Variants in CPT1A observed in about 807,000 individuals in gnomAD.
CPT1A encodes carnitine palmitoyltransferase 1A, also known as carnitine O-palmitoyltransferase 1, liver isoform.
Under a neutral mutation model 100.8 loss-of-function variants are expected in CPT1A, and 64 were observed. The observed-to-expected ratio is 0.63, with a 90% CI of 0.52 to 0.78. CPT1A has a LOEUF of 0.78. CPT1A is among the 30% of genes least tolerant of loss of function. The pLI is 0.00. For synonymous variants in CPT1A, 363 were observed against 396.0 expected (o/e 0.92, Z 0.99); for missense variants, 802 against 1,034.1 (o/e 0.78, Z 3.08).
At chr11:68,778,052 T>A (rs1358995670) in intron 12 of CPT1A, among the ~76,000 whole-genome samples, 1 of 152,040 alleles carries the variant, frequency 6.6e-6, no homozygotes, top group East Asian at 1.9e-4. Context: ...TGTCCTAGGG[T>A]CATACTGGTG....
At chr11:68,778,920 G>A (rs1855218670) in intron 12 of CPT1A, among the ~76,000 whole-genome samples, 1 of 151,672 alleles carries the variant, frequency 6.6e-6, no homozygotes, top group Admixed American at 6.6e-5. Context: ...TGAGTAGCTG[G>A]GACTACAGGT....
intron 1 of CPT1A, among the ~76,000 whole-genome samples, chr11:68,823,766 GCAA>G (rs1412701902): frequency 1.3e-5 from 2 of 151,394 alleles, no homozygotes; most frequent in Non-Finnish European, 2.9e-5. Flanking sequence ...TCCAGCCTGG[GCAA>G]CAAGAACAAA....
intron 1 of CPT1A, among the ~76,000 whole-genome samples, chr11:68,838,008 C>T (rs1273447574): frequency 1.3e-5 from 2 of 152,224 alleles, no homozygotes; most frequent in East Asian, 3.9e-4. Context: ...TGCAGGCTGG[C>T]TCTCCGGCTC....
In CPT1A at chr11:68,764,781, G is replaced by A. The variant is rs1854739273; in HGVS notation, c.1741-2020C>T. On this transcript the variant is annotated intron_variant, in intron 14 of 18. Transcript: ENST00000265641. Reference sequence around the variant, plus strand: ...TGAAATGAGAGTGCATCAGCCAGCAGAAAAAGGAAACTGAAGGCGTCGACA... The same window carrying A: ...TGAAATGAGAGTGCATCAGCCAGCAAAAAAAGGAAACTGAAGGCGTCGACA... 2.0e-5 allele frequency among the ~76,000 whole-genome samples: 3 copies of A among 152,264 alleles called. No individual in the cohort carries two copies. In the South Asian group the frequency reaches 6.2e-4, roughly 31 times the overall value.
intron 9 of CPT1A, among the ~76,000 whole-genome samples, chr11:68,792,807 G>A (rs571608739): frequency 4.6e-5 from 7 of 152,326 alleles, no homozygotes; most frequent in African/African-American, 7.2e-5. Flanking sequence ...CCAGCACTTC[G>A]GGAGGCCGAA....
intron 1 of CPT1A, among the ~76,000 whole-genome samples, chr11:68,833,509 C>A (rs1444556134): frequency 1.3e-5 from 2 of 152,378 alleles, no homozygotes; most frequent in East Asian, 3.9e-4. Context: ...GTAATCCCAG[C>A]ACTTTGGGAG....
chr11:68,755,689 A>C lies in CPT1A; in HGVS notation c.*1955T>G, dbSNP rs573504666. The C allele has an allele frequency of 7.2e-6, 1 of 137,946 alleles. No individual in the cohort carries two copies. Among genetic ancestry groups the C allele is most frequent in the Non-Finnish European group, 1.5e-5 (1 of 65,150 alleles). The allele number at this position is 137,946 out of a possible 1,614,324, so 8.5% of individuals were successfully genotyped here. On this transcript the variant is annotated 3_prime_UTR_variant, in exon 19 of 19. Transcript: ENST00000265641. ...CTCCCAAAGTGCTGGGATTACACGC[A>C]TGAGCCACCGCGCCTGGACGCTTTT...
chr11:68,782,941 G>A (rs1293908400), intron 10 of CPT1A, among the ~76,000 whole-genome samples: 2 of 152,164 alleles, frequency 1.3e-5, no homozygotes, highest in East Asian at 3.9e-4. Flanking sequence ...GGCGCCTACA[G>A]ACCCACAGGG....
chr11:68,782,403 T>A (rs1406208077), intron 10 of CPT1A, among the ~76,000 whole-genome samples: 1 of 152,164 alleles, frequency 6.6e-6, no homozygotes, highest in East Asian at 1.9e-4. Context: ...TGTACCAACT[T>A]ACTGATCTTC....
intron 1 of CPT1A, among the ~76,000 whole-genome samples, chr11:68,833,201 G>A (rs1432253806): frequency 6.6e-6 from 1 of 152,190 alleles, no homozygotes; most frequent in African/African-American, 2.4e-5. Flanking sequence ...GGAAGGCTCT[G>A]GAAGGACAGC....
chr11:68,800,993 C>T (rs1029885674), intron 5 of CPT1A, among the ~76,000 whole-genome samples: 2 of 151,866 alleles, frequency 1.3e-5, no homozygotes, highest in Non-Finnish European at 2.9e-5. Flanking sequence ...CCTGTGGCCC[C>T]AACTACTTGG....
At chr11:68,780,525 C>T (rs1459202300) in intron 12 of CPT1A, 115 bp downstream of exon 12, 37 of 821,936 alleles carry the variant, frequency 4.5e-5, no homozygotes, top group Non-Finnish European at 7.0e-5. Context: ...CTCAGGTGAT[C>T]TGCCCGCCTC....
intron 7 of CPT1A, among the ~76,000 whole-genome samples, chr11:68,795,322 G>A (rs1349780247): frequency 6.6e-6 from 1 of 152,176 alleles, no homozygotes; most frequent in Non-Finnish European, 1.5e-5. Flanking sequence ...CCAAATGTCT[G>A]CATTTTCCAC....
chr11:68,822,065 C>T (rs1485863026), intron 1 of CPT1A, among the ~76,000 whole-genome samples: 2 of 152,084 alleles, frequency 1.3e-5, no homozygotes, highest in East Asian at 1.9e-4. Flanking sequence ...ACAGTCTGTC[C>T]GTTCCTCAAA....
chr11:68,818,210 A>G (rs957382633), intron 1 of CPT1A, among the ~76,000 whole-genome samples: 1 of 152,150 alleles, frequency 6.6e-6, no homozygotes, highest in Admixed American at 6.6e-5. Flanking sequence ...GACAGTCTGC[A>G]GAGGCACCTT....
At chr11:68,765,717 A>T (rs1594320339) in intron 14 of CPT1A, among the ~76,000 whole-genome samples, 1 of 152,224 alleles carries the variant, frequency 6.6e-6, no homozygotes, top group Admixed American at 6.5e-5. Context: ...GGCACAGGCA[A>T]TACTGTTGTA....
intron 6 of CPT1A, 109 bp from the exon 7 acceptor site, chr11:68,797,042 A>G: frequency 2.9e-6 from 3 of 1,039,206 alleles, no homozygotes; most frequent in South Asian, 1.3e-5. Context: ...TTTGGCAGAC[A>G]TTTCGGCGTC....
chr11:68,804,237 G>A lies in CPT1A; in HGVS notation c.454-136C>T, dbSNP rs937248250. On this transcript the variant is annotated intron_variant, in intron 4 of 18. Coordinates refer to ENST00000265641, the MANE Select transcript of CPT1A (RefSeq NM_001876.4). ...GGGAGAATGACCATTTCAAAGACAA[G>A]GCTATGTTAAAGATCCGAAGCCACT... 5.0e-5 allele frequency: 36 copies of A among 716,930 alleles called. No individual in the cohort carries two copies. In the African/African-American group the frequency reaches 5.6e-4, roughly 11 times the overall value. The allele number at this position is 716,930 out of a possible 1,614,324, so 44.4% of individuals were successfully genotyped here.
chr11:68,760,200 C>CCTCG (rs1258943687), intron 17 of CPT1A, 25 bp downstream of exon 17: 2 of 1,545,492 alleles, frequency 1.3e-6, no homozygotes, highest in Non-Finnish European at 8.9e-7. Flanking sequence ...CCCCACTGCG[C>CCTCG]CTCGCCCAGC....
Sources: allele counts gnomAD v4.1 joint callset (sites outside exome capture counted in the v4.1 genomes callset), GRCh38; gene constraint gnomAD v4.1.1; transcripts MANE v1.5; gene names NCBI Gene and HGNC (gene_info 2026-07-23, HGNC 2026-07-21).